Variants in RIPOR3 observed in about 807,000 individuals in gnomAD.
The protein encoded by RIPOR3 is family with sequence similarity 65 member C.
Under a neutral mutation model 114.3 loss-of-function variants are expected in RIPOR3, and 95 were observed. That is an observed-to-expected ratio of 0.83 (90% CI 0.70 to 0.99). The LOEUF (loss-of-function observed/expected upper bound fraction) is 0.99, where lower values mean the gene tolerates loss of function less well. Among genes scored for constraint, RIPOR3 ranks in the 50% least tolerant of loss-of-function variants. RIPOR3 has a pLI of 0.00. For synonymous variants in RIPOR3, 575 were observed against 543.8 expected, an observed-to-expected ratio of 1.06 and a Z score of -0.80; for missense variants, 1,252 against 1,266.9, an observed-to-expected ratio of 0.99 and a Z score of 0.18.
At chr20:50,690,893 T>C (rs1483134244) in intron 1 of RIPOR3, among the ~76,000 whole-genome samples, 1 of 152,196 alleles carries the variant, frequency 6.6e-6, no homozygotes, top group Non-Finnish European at 1.5e-5. Flanking sequence ...GTTCAACCAC[T>C]GTTTTAGAAA....
chr20:50,597,609 C>T lies in RIPOR3; in HGVS notation c.1761G>A (p.Leu587=), dbSNP rs761549979. The change falls in exon 14 of 22, where the codon CTG becomes CTA. Residue 587 remains leucine (L), a synonymous_variant. Transcript: ENST00000327979. ...FLNADFALDE[L]SLFGGSQGLR... is the part of the protein sequence containing the mutation. ...GACCCTGGGAGCCCCCAAACAGGGA[C>T]AGCTCATCCAGGGCGAAGTCGGCAT... The T allele has an allele frequency of 1.8e-5, 29 of 1,610,182 alleles. No homozygotes were observed. Among genetic ancestry groups the T allele is most frequent in the Non-Finnish European group, 2.4e-5 (28 of 1,178,274 alleles).
intron 19 of RIPOR3, among the ~76,000 whole-genome samples, chr20:50,591,018 A>G (rs1158753958): frequency 2.0e-5 from 3 of 152,158 alleles, no homozygotes; most frequent in Non-Finnish European, 4.4e-5. Context: ...ACAGAGAAAT[A>G]CATTAAACTA....
intron 4 of RIPOR3, 130 bp downstream of exon 4, chr20:50,615,872 G>C: frequency 1.2e-6 from 1 of 817,470 alleles, no homozygotes; most frequent in Non-Finnish European, 1.9e-6. Context: ...GCAACGTGAA[G>C]AGGCTATTCC....
chr20:50,590,122 C>T (rs1386906675), intron 19 of RIPOR3: 14 of 258,120 alleles, frequency 5.4e-5, no homozygotes, highest in South Asian at 3.7e-4. Context: ...ATCCCATGTG[C>T]GTTGCCCTCT....
At chr20:50,635,265 CCTG>C (rs1332299930) in intron 1 of RIPOR3, among the ~76,000 whole-genome samples, 2 of 152,220 alleles carry the variant, frequency 1.3e-5, no homozygotes, top group Admixed American at 1.3e-4. Context: ...GCCAGCACTG[CCTG>C]CTACCTGCTC....
intron 1 of RIPOR3, among the ~76,000 whole-genome samples, chr20:50,632,718 CTT>C (rs1303281949): frequency 6.6e-6 from 1 of 152,252 alleles, no homozygotes; most frequent in African/African-American, 2.4e-5. Context: ...ATACAACCCT[CTT>C]AAGAGCAGGA....
In RIPOR3 at chr20:50,674,109, C is replaced by T. The variant is rs572796822; in HGVS notation, c.3+17017G>A. Among the ~76,000 whole-genome samples the T allele has an allele frequency of 2.0e-5, 3 of 152,250 alleles. No individual in the cohort carries two copies. The East Asian group carries it at 5.8e-4, about 29-fold the overall frequency. On this transcript the variant is annotated intron_variant, in intron 1 of 21. Transcript: ENST00000327979. Reference sequence around the variant, plus strand: ...ATTCCTTTTCCCCCGCTTTTTATAGCCTCTCTGGGTAAGATGTGTCTGGAA... The same window carrying T: ...ATTCCTTTTCCCCCGCTTTTTATAGTCTCTCTGGGTAAGATGTGTCTGGAA...
chr20:50,601,731 A>C (rs2083500930), intron 13 of RIPOR3, among the ~76,000 whole-genome samples: 2 of 152,062 alleles, frequency 1.3e-5, no homozygotes, highest in South Asian at 4.1e-4. Context: ...CCTTCCATGG[A>C]GCCAGCTGCG....
chr20:50,597,319 T>C (rs1161827478), intron 14 of RIPOR3: 5 of 480,680 alleles, frequency 1.0e-5, no homozygotes, highest in African/African-American at 1.9e-5. Flanking sequence ...TAAAAAATAA[T>C]ACTAAAAGCT....
intron 11 of RIPOR3, 32 bp downstream of exon 11, chr20:50,608,357 C>A: frequency 6.2e-7 from 1 of 1,612,482 alleles, no homozygotes; most frequent in Non-Finnish European, 8.5e-7. Flanking sequence ...GCCAGCCAGG[C>A]CTCCGCTCTC....
At chr20:50,604,132 C>G (rs1321243819) in intron 12 of RIPOR3, among the ~76,000 whole-genome samples, 1 of 151,058 alleles carries the variant, frequency 6.6e-6, no homozygotes, top group African/African-American at 2.4e-5. Context: ...TTGCAGTGAG[C>G]TGACATTGCG....
chr20:50,588,636 A>G (rs2083001033), intron 20 of RIPOR3, among the ~76,000 whole-genome samples: 1 of 152,022 alleles, frequency 6.6e-6, no homozygotes, highest in Admixed American at 6.6e-5. Context: ...AAACATGATC[A>G]TAAGACATGA....
At chr20:50,623,543 C>T (rs1210758007) in intron 2 of RIPOR3, among the ~76,000 whole-genome samples, 1 of 152,082 alleles carries the variant, frequency 6.6e-6, no homozygotes, top group African/African-American at 2.4e-5. Flanking sequence ...GGACCTGGGG[C>T]CTCTCTAGTT....
chr20:50,611,273 C>T (rs1374477059), intron 4 of RIPOR3, 69 bp from the exon 5 acceptor site: 5 of 1,606,134 alleles, frequency 3.1e-6, no homozygotes, highest in Non-Finnish European at 4.3e-6. Context: ...GCCTATGAGG[C>T]TCTATGCTGG....
intron 4 of RIPOR3, among the ~76,000 whole-genome samples, chr20:50,615,384 G>T (rs957361832): frequency 1.3e-5 from 2 of 151,932 alleles, no homozygotes; most frequent in East Asian, 3.9e-4. Context: ...AATTAGCTGG[G>T]CATGGTGGTG....
intron 1 of RIPOR3, among the ~76,000 whole-genome samples, chr20:50,666,181 C>CCTTTTTTTTCTTTTCTTTTCTTTTCTTTT (rs1600720832): frequency 6.7e-5 from 1 of 14,926 alleles, no homozygotes; most frequent in Non-Finnish European, 4.5e-4. Context: ...GAAAGGACAC[C>CCTTTTTTTTCTTTTCTTTTCTTTTCTTTT]CATTTCTTTT....
chr20:50,648,587 A>G (rs1307761684), intron 1 of RIPOR3, among the ~76,000 whole-genome samples: 1 of 151,950 alleles, frequency 6.6e-6, no homozygotes, highest in East Asian at 1.9e-4. Context: ...TATTTCTACT[A>G]CTACATTGTA....
chr20:50,631,744 C>T (rs1222909065), intron 1 of RIPOR3, among the ~76,000 whole-genome samples: 1 of 152,206 alleles, frequency 6.6e-6, no homozygotes, highest in African/African-American at 2.4e-5. Flanking sequence ...CGAGCCCTGG[C>T]TGTCTTCTCT....
At position 50,609,320 on chromosome 20, in the gene RIPOR3, G is replaced by A; in HGVS notation, c.613C>T (p.Leu205=). ...WLIEGALEVH[L]GEFHIRMKGL... is the part of the protein sequence containing the mutation. ...TTCATCCTGATGTGGAACTCGCCCA[G>A]GTGAACCTCCAGGGCCCCCTCGATG... Residue 205 remains leucine (L), a synonymous_variant, in exon 8 of 22, where the codon CTG becomes TTG. Transcript: ENST00000327979. The A allele has an allele frequency of 6.2e-7, 1 of 1,613,978 alleles. No homozygotes were observed. Among genetic ancestry groups the A allele is most frequent in the Non-Finnish European group, 8.5e-7 (1 of 1,179,878 alleles).
Sources: allele counts gnomAD v4.1 joint callset (sites outside exome capture counted in the v4.1 genomes callset), GRCh38; gene constraint gnomAD v4.1.1; transcripts MANE v1.5; gene names NCBI Gene and HGNC (gene_info 2026-07-23, HGNC 2026-07-21).